Variants in NR3C1 observed in about 807,000 individuals in gnomAD.
NR3C1 encodes glucocorticoid receptor.
In NR3C1, 14 loss-of-function variants were observed where a neutral mutation model predicts 74.0. The ratio of observed to expected loss-of-function variants is 0.19; its 90% CI spans 0.12 to 0.30. The LOEUF (loss-of-function observed/expected upper bound fraction) is 0.30, where lower values mean the gene tolerates loss of function less well. Among genes scored for constraint, NR3C1 ranks in the 10% least tolerant of loss-of-function variants. The pLI is 1.00. For synonymous variants in NR3C1, 308 were observed against 332.5 expected, an observed-to-expected ratio of 0.93 and a Z score of 0.80; for missense variants, 695 against 909.8, an observed-to-expected ratio of 0.76 and a Z score of 3.04.
chr5:143,283,762 T>G (rs565365160), intron 7 of NR3C1, among the ~76,000 whole-genome samples: 2 of 152,328 alleles, frequency 1.3e-5, no homozygotes, highest in African/African-American at 4.8e-5. Flanking sequence ...TAATCATGGT[T>G]TCACTTAATC....
At chr5:143,307,368 A>G (rs755610710) in intron 4 of NR3C1, among the ~76,000 whole-genome samples, 1 of 152,198 alleles carries the variant, frequency 6.6e-6, no homozygotes. Flanking sequence ...AAACTGTAAG[A>G]AGGAGGAAAA....
intron 1 of NR3C1, among the ~76,000 whole-genome samples, chr5:143,428,102 T>A (rs1296534243): frequency 1.3e-5 from 2 of 152,212 alleles, no homozygotes; most frequent in African/African-American, 4.8e-5. Flanking sequence ...GTAAGTCTTA[T>A]AGGACTTACA....
At chr5:143,330,802 A>T (rs1268576919) in intron 2 of NR3C1, among the ~76,000 whole-genome samples, 1 of 152,228 alleles carries the variant, frequency 6.6e-6, no homozygotes, top group East Asian at 1.9e-4. Context: ...AAACTTCACA[A>T]GTAAAAATAG....
chr5:143,281,483 G>A lies in NR3C1; in HGVS notation c.*406C>T, dbSNP rs966524860. The A allele has an allele frequency of 2.2e-5, 5 of 228,972 alleles. No homozygotes were observed. Among genetic ancestry groups the A allele is most frequent in the East Asian group, 1.1e-4 (1 of 8,758 alleles). The allele number at this position is 228,972 out of a possible 1,614,324, so 14.2% of individuals were successfully genotyped here. ...AAAATGCTATCCTAACTATACAGGGGGGGGATACACCAACAGAAAGTCTAG... is the reference window on the plus strand; with the variant it reads ...AAAATGCTATCCTAACTATACAGGGAGGGGATACACCAACAGAAAGTCTAG... On this transcript the variant is annotated 3_prime_UTR_variant, in exon 9 of 9. Transcript: ENST00000394464.
At chr5:143,410,265 C>T (rs1841247601) in intron 1 of NR3C1, among the ~76,000 whole-genome samples, 1 of 152,156 alleles carries the variant, frequency 6.6e-6, no homozygotes, top group Non-Finnish European at 1.5e-5. Context: ...AATCTTTCAG[C>T]TCATTTGAGA....
At chr5:143,394,069 GA>G (rs915832662) in intron 2 of NR3C1, among the ~76,000 whole-genome samples, 23 of 150,672 alleles carry the variant, frequency 1.5e-4, no homozygotes, top group African/African-American at 5.1e-4. Context: ...CAGTGAGAAT[GA>G]AAAAAAAATT....
chr5:143,335,822 C>T (rs1359982788), intron 2 of NR3C1, among the ~76,000 whole-genome samples: 1 of 152,186 alleles, frequency 6.6e-6, no homozygotes, highest in Non-Finnish European at 1.5e-5. Context: ...CTGTACACAC[C>T]TTTGCAAATG....
chr5:143,328,373 A>T (rs1019658818), intron 2 of NR3C1, among the ~76,000 whole-genome samples: 1 of 152,232 alleles, frequency 6.6e-6, no homozygotes, highest in African/African-American at 2.4e-5. Flanking sequence ...GATCTCTGCC[A>T]TGCCCTGGAG....
chr5:143,287,214 ATCAATGAAACTAAAAATT>A (rs997450633), intron 7 of NR3C1, among the ~76,000 whole-genome samples: 4 of 152,220 alleles, frequency 2.6e-5, no homozygotes, highest in Admixed American at 6.5e-5. Flanking sequence ...AAAAGAGAAA[ATCAATGAAACTAAAAATT>A]TCAATGAAAC....
chr5:143,381,130 A>G (rs1020614316), intron 2 of NR3C1, among the ~76,000 whole-genome samples: 5 of 152,184 alleles, frequency 3.3e-5, no homozygotes, highest in African/African-American at 1.2e-4. Flanking sequence ...AATCTGTGGC[A>G]TTTCTAGATG....
chr5:143,406,706 C>T (rs910342623), upstream of NR3C1, among the ~76,000 whole-genome samples: 5 of 152,182 alleles, frequency 3.3e-5, no homozygotes, highest in South Asian at 2.1e-4. Flanking sequence ...GAGGTTGATG[C>T]TTGTCTAAGT....
At chr5:143,406,553 C>T (rs150346121), upstream of NR3C1, among the ~76,000 whole-genome samples, 264 of 152,256 alleles carry the variant, frequency 1.7e-3, 1 homozygote, top group African/African-American at 6.0e-3. Flanking sequence ...GTTAACCCCT[C>T]TTTTTCAGAG....
chr5:143,295,701 C>T, intron 6 of NR3C1, 111 bp from the exon 7 acceptor site: 1 of 839,744 alleles, frequency 1.2e-6, no homozygotes, highest in Admixed American at 1.8e-5. Flanking sequence ...AAAACAACTA[C>T]TGCAATAATA....
upstream of NR3C1, chr5:143,403,928 G>GC (rs1246964516): frequency 1.1e-5 from 11 of 983,516 alleles, no homozygotes; most frequent in Non-Finnish European, 1.2e-5. Flanking sequence ...GCCGCGCTTC[G>GC]CCCCCCGCCC....
intron 2 of NR3C1, among the ~76,000 whole-genome samples, chr5:143,349,045 G>A (rs1194131129): frequency 6.6e-6 from 1 of 152,128 alleles, no homozygotes; most frequent in Non-Finnish European, 1.5e-5. Flanking sequence ...GGATCAGAGA[G>A]AGAAGCCTCT....
At chr5:143,382,428 AACAG>A (rs1243160484) in intron 2 of NR3C1, among the ~76,000 whole-genome samples, 4 of 152,364 alleles carry the variant, frequency 2.6e-5, no homozygotes, top group Non-Finnish European at 5.9e-5. Flanking sequence ...AGTATGGCAC[AACAG>A]ACAGAGTTCT....
At chr5:143,318,305 T>G (rs1196712953) in intron 2 of NR3C1, among the ~76,000 whole-genome samples, 1 of 152,108 alleles carries the variant, frequency 6.6e-6, no homozygotes, top group African/African-American at 2.4e-5. Context: ...GACAATTTCG[T>G]TTTTTAAAGG....
intron 2 of NR3C1, among the ~76,000 whole-genome samples, chr5:143,346,726 CA>C (rs1447707731): frequency 6.6e-6 from 1 of 152,128 alleles, no homozygotes; most frequent in East Asian, 1.9e-4. Flanking sequence ...CTGTAAACTT[CA>C]AAAACTTAAC....
chr5:143,295,295 C>T (rs1423697901), intron 7 of NR3C1, 165 bp downstream of exon 7: 1 of 985,146 alleles, frequency 1.0e-6, no homozygotes, highest in Admixed American at 6.2e-5. Context: ...CTTGGTGTCA[C>T]TTACTGTGCC....
Sources: allele counts gnomAD v4.1 joint callset (sites outside exome capture counted in the v4.1 genomes callset), GRCh38; gene constraint gnomAD v4.1.1; transcripts MANE v1.5; gene names NCBI Gene and HGNC (gene_info 2026-07-23, HGNC 2026-07-21).